Variants in CYP19A1 observed in about 807,000 individuals in gnomAD.
CYP19A1 encodes the protein cytochrome P450 family 19 subfamily A member 1, also known as aromatase.
In CYP19A1, 32 loss-of-function variants were observed where a neutral mutation model predicts 44.4. That is an observed-to-expected ratio of 0.72 (90% confidence interval 0.54 to 0.97). The LOEUF (loss-of-function observed/expected upper bound fraction) is 0.97. Among genes scored for constraint, CYP19A1 ranks in the 50% least tolerant of loss-of-function variants. The pLI, the probability that CYP19A1 is intolerant of heterozygous loss-of-function variation, is 0.00. For synonymous variants in CYP19A1, 212 were observed against 215.6 expected, an observed-to-expected ratio of 0.98 and a Z score of 0.14; for missense variants, 598 against 637.8, an observed-to-expected ratio of 0.94 and a Z score of 0.67.
At chr15:51,267,274 C>T (rs2034955281) in intron 1 of CYP19A1, among the ~76,000 whole-genome samples, 1 of 152,138 alleles carries the variant, frequency 6.6e-6, no homozygotes, top group African/African-American at 2.4e-5. Context: ...GGTCTCCAGC[C>T]GGCTGCCTGC....
At chr15:51,261,451 C>T (rs532158135) in intron 1 of CYP19A1, among the ~76,000 whole-genome samples, 1 of 152,328 alleles carries the variant, frequency 6.6e-6, no homozygotes, top group East Asian at 1.9e-4. Context: ...GTATTATTAA[C>T]ACGACCTACC....
At chr15:51,250,637 G>T (rs2034271377) in intron 1 of CYP19A1, among the ~76,000 whole-genome samples, 1 of 152,148 alleles carries the variant, frequency 6.6e-6, no homozygotes, top group South Asian at 2.1e-4. Flanking sequence ...GACAAAGTGG[G>T]GGCACTATTT....
At chr15:51,267,708 G>A (rs1681208387) in intron 1 of CYP19A1, among the ~76,000 whole-genome samples, 1 of 152,220 alleles carries the variant, frequency 6.6e-6, no homozygotes, top group Non-Finnish European at 1.5e-5. Flanking sequence ...CGAATTTGAA[G>A]GAAAAATGAT....
chr15:51,279,047 G>A (rs2035424841), intron 1 of CYP19A1: 2 of 152,124 alleles, frequency 1.3e-5, no homozygotes, highest in Admixed American at 1.3e-4. Flanking sequence ...AGCCTCCACT[G>A]GATAACTCCA....
At chr15:51,302,453 T>C (rs2036134535) in intron 1 of CYP19A1, among the ~76,000 whole-genome samples, 2 of 152,220 alleles carry the variant, frequency 1.3e-5, no homozygotes, top group Non-Finnish European at 2.9e-5. Flanking sequence ...CAAATCCAAG[T>C]CTGAGTTCTC....
At chr15:51,215,592 G>T in intron 7 of CYP19A1, 111 bp downstream of exon 7, 4 of 1,590,670 alleles carry the variant, frequency 2.5e-6, no homozygotes, top group Non-Finnish European at 2.6e-6. Context: ...AACTGCTAGA[G>T]AAAGTATTTA....
intron 1 of CYP19A1, among the ~76,000 whole-genome samples, chr15:51,285,024 A>G (rs970659016): frequency 4.6e-5 from 7 of 152,170 alleles, no homozygotes; most frequent in Non-Finnish European, 8.8e-5. Flanking sequence ...TACCTCATGG[A>G]GATGAACGAA....
intron 1 of CYP19A1, among the ~76,000 whole-genome samples, chr15:51,249,112 G>A (rs1265672401): frequency 6.6e-6 from 1 of 151,860 alleles, no homozygotes; most frequent in Non-Finnish European, 1.5e-5. Flanking sequence ...TCCAATTTTT[G>A]TATTTTTAGT....
At chr15:51,281,475 AG>A (rs1239883398) in intron 1 of CYP19A1, among the ~76,000 whole-genome samples, 1 of 152,188 alleles carries the variant, frequency 6.6e-6, no homozygotes, top group African/African-American at 2.4e-5. Context: ...CGGGCAGGAG[AG>A]GAGGACCTGC....
intron 1 of CYP19A1, among the ~76,000 whole-genome samples, chr15:51,313,713 C>T (rs2036362494): frequency 1.3e-5 from 2 of 152,134 alleles, no homozygotes; most frequent in Non-Finnish European, 2.9e-5. Context: ...AGGAGAATCA[C>T]TTGAACCTGG....
At chr15:51,233,024 T>G (rs747208661) in intron 3 of CYP19A1, among the ~76,000 whole-genome samples, 1 of 152,248 alleles carries the variant, frequency 6.6e-6, no homozygotes, top group Non-Finnish European at 1.5e-5. Flanking sequence ...CTTAGAATAT[T>G]GGCACTTGCT....
chr15:51,216,253 CT>C (rs909568854), intron 6 of CYP19A1, among the ~76,000 whole-genome samples: 1 of 152,028 alleles, frequency 6.6e-6, no homozygotes, highest in African/African-American at 2.4e-5. Context: ...CCTGCTTTTT[CT>C]TTTTTTCTTT....
At chr15:51,314,056 A>G (rs2036373194) in intron 1 of CYP19A1, 1 of 151,720 alleles carries the variant, frequency 6.6e-6, no homozygotes, top group African/African-American at 2.4e-5. Flanking sequence ...ATAATTACCC[A>G]ACGTCTCTGA....
Position 51,242,838 on chromosome 15 carries a change from G to T in CYP19A1, c.75C>A (p.Thr25=). The change falls in exon 2 of 10, where the codon ACC becomes ACA. Residue 25 remains threonine, a synonymous_variant. Transcript: ENST00000396402. ...GGCCAGTGAGGAGCAGGACTGGCAT[G>T]GTGGCAGCAGGCATGGCTTCAGGCA... is the stretch of plus-strand genomic sequence containing the variant. ...SIVPEAMPAA[T]MPVLLLTGLF... 1 of 1,587,520 alleles carries T rather than the reference G, an allele frequency of 6.3e-7. No individual in the cohort carries two copies. Among genetic ancestry groups the T allele is most frequent in the Non-Finnish European group, 8.7e-7 (1 of 1,155,784 alleles).
intron 1 of CYP19A1, among the ~76,000 whole-genome samples, chr15:51,290,872 T>C (rs2035827907): frequency 6.6e-6 from 1 of 152,188 alleles, no homozygotes. Flanking sequence ...TGGGGCCCAG[T>C]CATTGATCCT....
At chr15:51,331,807 C>G (rs567847957) in intron 1 of CYP19A1, among the ~76,000 whole-genome samples, 1 of 152,102 alleles carries the variant, frequency 6.6e-6, no homozygotes, top group Non-Finnish European at 1.5e-5. Flanking sequence ...TGGGTATTAA[C>G]AGAGTAATTC....
intron 1 of CYP19A1, chr15:51,277,096 T>A (rs1251995608): frequency 1.3e-5 from 2 of 152,156 alleles, no homozygotes; most frequent in Non-Finnish European, 2.9e-5. Context: ...TACAAGCAGT[T>A]CTTATAAAAA....
At chr15:51,320,485 G>A (rs2036508768) in intron 1 of CYP19A1, 1 of 152,294 alleles carries the variant, frequency 6.6e-6, no homozygotes, top group Admixed American at 6.5e-5. Flanking sequence ...AACAGCACAT[G>A]GTTAGGTGCC....
intron 1 of CYP19A1, among the ~76,000 whole-genome samples, chr15:51,261,189 G>A (rs866217916): frequency 2.0e-5 from 3 of 152,114 alleles, no homozygotes; most frequent in Non-Finnish European, 4.4e-5. Context: ...CATGACCCAC[G>A]GCTTCTAATA....
Sources: allele counts gnomAD v4.1 joint callset (sites outside exome capture counted in the v4.1 genomes callset), GRCh38; gene constraint gnomAD v4.1.1; transcripts MANE v1.5; gene names NCBI Gene and HGNC (gene_info 2026-07-23, HGNC 2026-07-21).